Variants in TECTB observed in about 807,000 individuals in gnomAD.
TECTB encodes beta-tectorin.
In TECTB, 45 loss-of-function variants were observed where a neutral mutation model predicts 43.3. The observed-to-expected ratio is 1.04, with a 90% CI of 0.82 to 1.33. The LOEUF (loss-of-function observed/expected upper bound fraction) is 1.33. Among genes scored for constraint, TECTB ranks in the 40% most tolerant of loss-of-function variants. The probability of loss-of-function intolerance (pLI) is 0.00; values close to 1 mark genes in which losing one functional copy is unlikely to be tolerated. For synonymous variants in TECTB, 169 were observed against 156.7 expected (o/e 1.08, Z -0.59); for missense variants, 399 against 404.7 (o/e 0.99, Z 0.12).
At chr10:112,285,121 G>A (rs1848443368) in intron 3 of TECTB, among the ~76,000 whole-genome samples, 1 of 152,352 alleles carries the variant, frequency 6.6e-6, no homozygotes, top group South Asian at 2.1e-4. Context: ...GAGCAGTTTA[G>A]GGAGTGACCA....
rs1848546885 is a variant in TECTB, at chr10:112,296,350, C to T, written c.672-1719C>T. ...CCTGTGGGCTTCCACCATCTAGAGG[C>T]AGCTGCCACTGAAGTGTGGGTGCTG... On this transcript the variant is annotated intron_variant, in intron 7 of 10. Coordinates refer to ENST00000646139, the MANE Select transcript of TECTB (RefSeq NM_058222.3). Among the ~76,000 whole-genome samples the T allele has an allele frequency of 3.9e-5, 6 of 152,288 alleles. No homozygotes were observed. In the South Asian group the frequency reaches 1.2e-3, roughly 32 times the overall value.
chr10:112,293,946 T>C, intron 6 of TECTB, 32 bp from the exon 7 acceptor site: 2 of 1,612,670 alleles, frequency 1.2e-6, no homozygotes, highest in Non-Finnish European at 8.5e-7. Flanking sequence ...GATTCTCTGT[T>C]TCAAAGTGAT....
At chr10:112,291,943 T>C (rs2133351395) in intron 5 of TECTB, among the ~76,000 whole-genome samples, 1 of 152,056 alleles carries the variant, frequency 6.6e-6, no homozygotes, top group African/African-American at 2.4e-5. Context: ...GAGACCATCC[T>C]GGCTAACACG....
At chr10:112,301,147 G>A (rs1848608138) in intron 9 of TECTB, among the ~76,000 whole-genome samples, 1 of 152,238 alleles carries the variant, frequency 6.6e-6, no homozygotes, top group South Asian at 2.1e-4. Context: ...TCAGGGCCAG[G>A]CATGGTGGCT....
At chr10:112,284,434 A>G in intron 2 of TECTB, 101 bp from the exon 3 acceptor site, 2 of 1,216,906 alleles carry the variant, frequency 1.6e-6, no homozygotes, top group East Asian at 2.8e-5. Context: ...TTTTTAACCA[A>G]CTGCTTTTGC....
intron 5 of TECTB, among the ~76,000 whole-genome samples, chr10:112,288,324 G>A (rs75431386): frequency 6.6e-6 from 1 of 152,026 alleles, no homozygotes; most frequent in South Asian, 2.1e-4. Context: ...GAACTGGAAT[G>A]AGCTTATTTT....
chr10:112,299,798 A>T, intron 9 of TECTB: 1 of 513,166 alleles, frequency 1.9e-6, no homozygotes, highest in Non-Finnish European at 3.5e-6. Context: ...CCTAAATTCA[A>T]ATACCCCCAA....
chr10:112,300,588 G>A (rs1448872025), intron 9 of TECTB, among the ~76,000 whole-genome samples: 1 of 152,162 alleles, frequency 6.6e-6, no homozygotes, highest in East Asian at 1.9e-4. Context: ...TGCCATGGTT[G>A]CACAGTTGAT....
chr10:112,283,740 G>T lies in TECTB; in HGVS notation c.6G>T (p.Val2=). The change falls in exon 2 of 11, where the codon GTG becomes GTT. Residue 2 remains valine, a synonymous_variant. Transcript: ENST00000646139. ...AGACCAGGTTCTGAGAAGCAATGGT[G>T]ACGAAGGCCTTTGTCTTGTTGGCCA... is the stretch of plus-strand genomic sequence containing the variant. The part of the protein sequence containing the change: M[V]TKAFVLLAIF... 1 of 1,613,872 alleles carries T rather than the reference G, an allele frequency of 6.2e-7. No individual in the cohort carries two copies. Among genetic ancestry groups the T allele is most frequent in the Non-Finnish European group, 8.5e-7 (1 of 1,179,892 alleles).
intron 3 of TECTB, among the ~76,000 whole-genome samples, chr10:112,285,143 A>C (rs538530283): frequency 8.9e-4 from 136 of 152,370 alleles, no homozygotes; most frequent in African/African-American, 3.0e-3. Flanking sequence ...TGTATAATAC[A>C]ACTTCTAACG....
At position 112,284,615 on chromosome 10, in the gene TECTB, C is replaced by T; in HGVS notation, c.157C>T (p.Leu53=). The change falls in exon 3 of 11, where the codon CTG becomes TTG. Residue 53 remains leucine (L), a synonymous_variant. Transcript: ENST00000646139. The part of the protein sequence containing the change: ...ECPYGWEVHQ[L]ALGGLCYNGV... ...TCCCTATGGATGGGAAGTTCATCAG[C>T]TGGCCCTCGGAGGGCTGTGTTACAA... The T allele has an allele frequency of 6.2e-7, 1 of 1,613,814 alleles. No homozygotes were observed. Among genetic ancestry groups the T allele is most frequent in the Non-Finnish European group, 8.5e-7 (1 of 1,179,872 alleles).
chr10:112,289,588 A>G (rs985098929), intron 5 of TECTB, among the ~76,000 whole-genome samples: 1 of 152,206 alleles, frequency 6.6e-6, no homozygotes. Flanking sequence ...TTCTGAAATA[A>G]TATCATATAA....
intron 9 of TECTB, among the ~76,000 whole-genome samples, chr10:112,300,301 AAG>A (rs1462218497): frequency 8.3e-6 from 1 of 120,262 alleles, no homozygotes; most frequent in Non-Finnish European, 1.8e-5. Flanking sequence ...GAAAGAAAGA[AAG>A]AAAGAAAGAA....
In TECTB at chr10:112,301,567, G is replaced by A. The variant is rs148263438; in HGVS notation, c.908-534G>A. Among the ~76,000 whole-genome samples, 97 of 152,252 alleles carry A rather than the reference G, an allele frequency of 6.4e-4. 1 individual carries two copies. Among genetic ancestry groups the A allele is most frequent in the Admixed American group, 1.0e-3 (16 of 15,278 alleles). ...CAGAGATGGGATGGCCTGCAAAGCT[G>A]ACAAAATGTACTATTTACTTTTTTC... On this transcript the variant is annotated intron_variant, in intron 9 of 10. Transcript: ENST00000646139.
intron 5 of TECTB, among the ~76,000 whole-genome samples, chr10:112,291,389 T>C (rs1211557461): frequency 1.3e-5 from 2 of 152,164 alleles, no homozygotes; most frequent in Admixed American, 1.3e-4. Flanking sequence ...ATTACAAAGA[T>C]ACATGCAACC....
intron 6 of TECTB, 38 bp downstream of exon 6, chr10:112,293,879 A>G: frequency 1.2e-6 from 2 of 1,608,344 alleles, no homozygotes; most frequent in Admixed American, 1.7e-5. Context: ...GTTTAAATGC[A>G]AAGAAAAAAA....
intron 9 of TECTB, among the ~76,000 whole-genome samples, chr10:112,300,345 AGAAG>A (rs72242708): frequency 0.26 from 37,650 of 144,824 alleles, 6,365 homozygotes; most frequent in East Asian, 0.48. Context: ...AAGAAAAGAA[AGAAG>A]GAAGGAAGGA....
chr10:112,302,488 C>T, intron 10 of TECTB: 2 of 421,424 alleles, frequency 4.7e-6, no homozygotes, highest in Non-Finnish European at 8.3e-6. Flanking sequence ...CTTGTTATGG[C>T]TCTGTCTTTT....
At chr10:112,294,826 A>G (rs1178916349) in intron 7 of TECTB, among the ~76,000 whole-genome samples, 1 of 152,230 alleles carries the variant, frequency 6.6e-6, no homozygotes, top group East Asian at 1.9e-4. Flanking sequence ...AGGAATGAGA[A>G]AATGTAGGAA....
Sources: gnomAD v4.1 joint callset for allele counts (sites outside exome capture counted in the v4.1 genomes callset) on GRCh38, gnomAD v4.1.1 for gene constraint, MANE v1.5 for transcripts, NCBI Gene and HGNC (gene_info 2026-07-23, HGNC 2026-07-21) for gene names.